DGKI: variants seen among roughly 807,000 people sequenced by gnomAD.
DGKI encodes diacylglycerol kinase iota.
In DGKI, 55 loss-of-function variants were observed where a neutral mutation model predicts 147.5. The observed-to-expected ratio is 0.37, with a 90% CI of 0.30 to 0.47. The LOEUF (loss-of-function observed/expected upper bound fraction) is 0.47. Among genes scored for constraint, DGKI ranks in the 20% least tolerant of loss-of-function variants. DGKI has a pLI of 1.00. For missense variants in DGKI, 1,007 were observed against 1,323.8 expected (o/e 0.76, Z 3.71); for synonymous variants, 469 against 477.1 (o/e 0.98, Z 0.22).
At chr7:137,817,089 T>C (rs1797760062) in intron 1 of DGKI, among the ~76,000 whole-genome samples, 1 of 152,236 alleles carries the variant, frequency 6.6e-6, no homozygotes, top group Non-Finnish European at 1.5e-5. Flanking sequence ...TCATGTTATA[T>C]TTCTCGGTTA....
At chr7:137,777,263 C>T (rs1024364014) in intron 1 of DGKI, among the ~76,000 whole-genome samples, 2 of 151,938 alleles carry the variant, frequency 1.3e-5, no homozygotes, top group Admixed American at 6.6e-5. Flanking sequence ...AATTCTATGG[C>T]ATTATTTTAA....
chr7:137,807,311 T>C (rs970524347), intron 1 of DGKI, among the ~76,000 whole-genome samples: 7 of 152,232 alleles, frequency 4.6e-5, no homozygotes, highest in African/African-American at 1.2e-4. Flanking sequence ...AAATGTCTAA[T>C]GGCAAAAAGC....
intron 1 of DGKI, among the ~76,000 whole-genome samples, chr7:137,821,781 G>A (rs977254538): frequency 6.6e-6 from 1 of 152,184 alleles, no homozygotes; most frequent in African/African-American, 2.4e-5. Flanking sequence ...AATTAAATGT[G>A]TTAAGAAGGA....
chr7:137,622,492 C>A (rs189166890), intron 7 of DGKI, among the ~76,000 whole-genome samples: 1 of 152,260 alleles, frequency 6.6e-6, no homozygotes, highest in African/African-American at 2.4e-5. Context: ...CAAACTTTTT[C>A]TATAAAGGCA....
At chr7:137,433,637 T>C (rs1813167868) in intron 28 of DGKI, among the ~76,000 whole-genome samples, 1 of 152,204 alleles carries the variant, frequency 6.6e-6, no homozygotes. Flanking sequence ...AGTAAACTTT[T>C]AACAATAGGC....
At chr7:137,438,792 G>C (rs1813380127) in intron 28 of DGKI, among the ~76,000 whole-genome samples, 1 of 151,940 alleles carries the variant, frequency 6.6e-6, no homozygotes, top group African/African-American at 2.4e-5. Flanking sequence ...CATCCATAAG[G>C]ATGAATCACA....
At chr7:137,833,811 T>C (rs923262697) in intron 1 of DGKI, among the ~76,000 whole-genome samples, 3 of 152,166 alleles carry the variant, frequency 2.0e-5, no homozygotes, top group East Asian at 1.9e-4. Context: ...TTGGTTACCA[T>C]GGTGGAGAGC....
intron 28 of DGKI, among the ~76,000 whole-genome samples, chr7:137,420,011 T>C (rs1019366163): frequency 3.9e-5 from 6 of 152,254 alleles, no homozygotes; most frequent in African/African-American, 1.4e-4. Context: ...ATAGTTTGTC[T>C]TTGTTATACC....
intron 20 of DGKI, among the ~76,000 whole-genome samples, chr7:137,532,544 A>G (rs140491772): frequency 2.6e-5 from 4 of 152,178 alleles, no homozygotes; most frequent in African/African-American, 9.6e-5. Context: ...CTCAGTGGGG[A>G]GCTACATTTG....
At position 137,726,281 on chromosome 7, in the gene DGKI, A is replaced by G. The variant is rs2116640783; in HGVS notation, c.402-36279T>C. 1.3e-5 allele frequency among the ~76,000 whole-genome samples: 2 copies of G among 152,236 alleles called. 1 individual carries two copies. Among genetic ancestry groups the G allele is most frequent in the Admixed American group, 1.3e-4 (2 of 15,280 alleles). On this transcript the variant is annotated intron_variant, in intron 1 of 32. Transcript: ENST00000614521. The stretch of plus-strand genomic sequence containing the variant: ...CCATATGTCTTGAAGCTCTCCATTC[A>G]CTGCATCCCCTCTGCCCCACAGGCC...
At position 137,483,109 on chromosome 7, in the gene DGKI, T is replaced by C. The variant is rs1360575471; in HGVS notation, c.2373+2265A>G. Among the ~76,000 whole-genome samples the C allele has an allele frequency of 4.6e-5, 7 of 152,080 alleles. No individual in the cohort carries two copies. The East Asian group carries it at 1.3e-3, about 29-fold the overall frequency. ...TGTTATTACCAAACAATACATGCAA[T>C]ACATAACTCACTCATATTGTAGTAT... On this transcript the variant is annotated intron_variant, in intron 23 of 32. Transcript: ENST00000614521.
intron 30 of DGKI, 48 bp downstream of exon 30, chr7:137,407,827 G>GT: frequency 6.2e-7 from 1 of 1,602,124 alleles, no homozygotes; most frequent in Non-Finnish European, 8.5e-7. Flanking sequence ...AAAATGCAAT[G>GT]GATTTCACAG....
At chr7:137,690,583 A>T (rs1823569261) in intron 1 of DGKI, among the ~76,000 whole-genome samples, 1 of 152,210 alleles carries the variant, frequency 6.6e-6, no homozygotes, top group African/African-American at 2.4e-5. Flanking sequence ...TCTGCCAAGA[A>T]ATTGCACATT....
In DGKI at chr7:137,614,444, C is replaced by A. The variant is rs571896338; in HGVS notation, c.994-4835G>T. On this transcript the variant is annotated intron_variant, in intron 8 of 32. Transcript: ENST00000614521. ...CTGGTATTTGACCATCTTTAACTTG[C>A]CTGTCCAATCAAAATATTGTCTAGT... Among the ~76,000 whole-genome samples the A allele has an allele frequency of 2.0e-5, 3 of 152,128 alleles. No homozygotes were observed. In the South Asian group the frequency reaches 6.2e-4, roughly 31 times the overall value.
At chr7:137,805,393 A>G (rs549394436) in intron 1 of DGKI, among the ~76,000 whole-genome samples, 3 of 152,328 alleles carry the variant, frequency 2.0e-5, no homozygotes, top group South Asian at 2.1e-4. Flanking sequence ...GTCTGCAGGG[A>G]AGGCATAACA....
At chr7:137,649,501 G>A (rs1211594216) in intron 5 of DGKI, among the ~76,000 whole-genome samples, 1 of 152,092 alleles carries the variant, frequency 6.6e-6, no homozygotes, top group Non-Finnish European at 1.5e-5. Flanking sequence ...GGCAAGGAAA[G>A]GGCTATTACT....
chr7:137,453,094 T>C (rs1814041024), intron 27 of DGKI: 1 of 152,238 alleles, frequency 6.6e-6, no homozygotes, highest in African/African-American at 2.4e-5. Context: ...TCTTCTGTTT[T>C]ACCGTGAAGT....
At chr7:137,594,339 A>T (rs1819716248) in intron 12 of DGKI, among the ~76,000 whole-genome samples, 1 of 152,166 alleles carries the variant, frequency 6.6e-6, no homozygotes, top group African/African-American at 2.4e-5. Flanking sequence ...GAGCCACCAC[A>T]CCTGGCCTTT....
Position 137,412,582 on chromosome 7 carries a change from G to T in DGKI, c.2762-375C>A, listed in dbSNP as rs1009340673. 1.2e-4 allele frequency among the ~76,000 whole-genome samples: 18 copies of T among 152,126 alleles called. 1 individual carries two copies. The highest frequency in any genetic ancestry group is 7.2e-5 in the African/African-American group (3 of 41,414). On this transcript the variant is annotated intron_variant, in intron 28 of 32. Transcript: ENST00000614521. ...AAAAGAGCAGGTTGTAACTTAGTAG[G>T]GTTCATGAAGTCCTATGAATGTTCC... is the stretch of plus-strand genomic sequence containing the variant.
Sources: allele counts gnomAD v4.1 joint callset (sites outside exome capture counted in the v4.1 genomes callset), GRCh38; gene constraint gnomAD v4.1.1; transcripts MANE v1.5; gene names NCBI Gene and HGNC (gene_info 2026-07-23, HGNC 2026-07-21).